The following LMO7 variants were observed in gnomAD, a reference collection of about 807,000 sequenced individuals.
LMO7 encodes the protein LIM domain only protein 7.
A neutral mutation model predicts 206.5 loss-of-function variants in LMO7; 120 were observed. That is an observed-to-expected ratio of 0.58 (90% CI 0.50 to 0.68). The LOEUF is 0.68. LMO7 is among the 30% of genes least tolerant of loss of function. The pLI is 0.00. For missense variants in LMO7, 1,959 were observed against 1,957.9 expected, an observed-to-expected ratio of 1.00 and a Z score of -0.01; for synonymous variants, 706 against 681.5, an observed-to-expected ratio of 1.04 and a Z score of -0.56.
chr13:75,781,796 C>G (rs147085821), intron 4 of LMO7, among the ~76,000 whole-genome samples: 14 of 152,136 alleles, frequency 9.2e-5, no homozygotes, highest in Non-Finnish European at 1.9e-4. Flanking sequence ...CCTGTAGTTT[C>G]CTGACTTTTT....
chr13:75,704,173 C>T (rs772750543), intron 1 of LMO7, among the ~76,000 whole-genome samples: 23 of 152,152 alleles, frequency 1.5e-4, no homozygotes, highest in Non-Finnish European at 2.8e-4. Context: ...CTTCTCCCTG[C>T]GGAAAAATGC....
At chr13:75,827,362 G>T (rs1028466698) in intron 15 of LMO7, among the ~76,000 whole-genome samples, 3 of 152,168 alleles carry the variant, frequency 2.0e-5, no homozygotes, top group Non-Finnish European at 4.4e-5. Context: ...AGCAGAGACT[G>T]GTTAGGAGCC....
chr13:75,786,595 C>G (rs1317530556), intron 4 of LMO7, among the ~76,000 whole-genome samples: 1 of 151,972 alleles, frequency 6.6e-6, no homozygotes, highest in African/African-American at 2.4e-5. Context: ...CCGTGTTAGC[C>G]AGGATGGTCT....
chr13:75,647,951 C>CTTTTTTTCT (rs2037189911), intron 1 of LMO7, among the ~76,000 whole-genome samples: 1 of 91,128 alleles, frequency 1.1e-5, no homozygotes, highest in Admixed American at 1.6e-4. Context: ...TCTTTTCTTT[C>CTTTTTTTCT]TTTTTTTTTT....
At chr13:75,822,355 A>G (rs2057665036) in intron 14 of LMO7, among the ~76,000 whole-genome samples, 1 of 152,166 alleles carries the variant, frequency 6.6e-6, no homozygotes, top group Admixed American at 6.6e-5. Context: ...TCATTATATA[A>G]AGGAAAATGT....
intron 1 of LMO7, among the ~76,000 whole-genome samples, chr13:75,662,469 C>T (rs1043159192): frequency 9.9e-5 from 15 of 152,138 alleles, no homozygotes; most frequent in Non-Finnish European, 1.8e-4. Flanking sequence ...CAGGCGTGTG[C>T]CCCCACACCT....
At chr13:75,741,177 C>T (rs2046381408) in intron 3 of LMO7, among the ~76,000 whole-genome samples, 1 of 152,304 alleles carries the variant, frequency 6.6e-6, no homozygotes, top group East Asian at 1.9e-4. Context: ...GTGAGCCACT[C>T]TCACAATTTG....
chr13:75,836,360 T>C (rs1350649406), intron 18 of LMO7, 37 bp from the exon 19 acceptor site: 3 of 1,176,918 alleles, frequency 2.5e-6, no homozygotes, highest in Admixed American at 4.2e-5. Context: ...AAAGTCCAAC[T>C]GGAGAGAATA....
intron 1 of LMO7, among the ~76,000 whole-genome samples, chr13:75,648,148 A>G (rs920132479): frequency 6.6e-6 from 1 of 151,674 alleles, no homozygotes; most frequent in Non-Finnish European, 1.5e-5. Flanking sequence ...GGGTCTTGCC[A>G]TGTTGCCTAG....
At chr13:75,728,387 T>C (rs1416007881) in intron 3 of LMO7, among the ~76,000 whole-genome samples, 1 of 152,232 alleles carries the variant, frequency 6.6e-6, no homozygotes, top group Non-Finnish European at 1.5e-5. Context: ...ATGATGAGTA[T>C]TTTTTCATGT....
chr13:75,760,838 G>C, intron 3 of LMO7, 94 bp from the exon 4 acceptor site: 1 of 1,565,964 alleles, frequency 6.4e-7, no homozygotes, highest in Non-Finnish European at 8.7e-7. Context: ...GACTGTAATT[G>C]GACTTTGAAG....
At chr13:75,721,435 AT>A (rs1352780113) in intron 2 of LMO7, among the ~76,000 whole-genome samples, 3 of 152,178 alleles carry the variant, frequency 2.0e-5, no homozygotes. Flanking sequence ...GGACCGTCTG[AT>A]TGCTCTGCTG....
intron 11 of LMO7, among the ~76,000 whole-genome samples, chr13:75,810,314 A>T (rs891551989): frequency 4.6e-5 from 7 of 152,276 alleles, no homozygotes; most frequent in African/African-American, 1.7e-4. Context: ...CCTTATGAGG[A>T]TTTACTTCAT....
chr13:75,679,568 G>A (rs190167348), intron 1 of LMO7, among the ~76,000 whole-genome samples: 5 of 152,268 alleles, frequency 3.3e-5, no homozygotes, highest in African/African-American at 1.2e-4. Flanking sequence ...ACCTAAGAAT[G>A]GAGGCAGAGG....
At chr13:75,817,530 A>G (rs1001483127) in intron 12 of LMO7, among the ~76,000 whole-genome samples, 2 of 152,082 alleles carry the variant, frequency 1.3e-5, no homozygotes, top group African/African-American at 4.8e-5. Flanking sequence ...CAAAAATGTG[A>G]GTTGCTTCCT....
intron 3 of LMO7, among the ~76,000 whole-genome samples, chr13:75,758,845 A>C (rs1333173148): frequency 6.6e-6 from 1 of 152,224 alleles, no homozygotes; most frequent in African/African-American, 2.4e-5. Context: ...TCAGAACCAA[A>C]TCAAATTGGT....
At chr13:75,770,336 G>A (rs1216487311) in intron 4 of LMO7, among the ~76,000 whole-genome samples, 1 of 151,996 alleles carries the variant, frequency 6.6e-6, no homozygotes, top group Admixed American at 6.6e-5. Context: ...GATGTGGGTG[G>A]GTGGTGTGGG....
intron 1 of LMO7, among the ~76,000 whole-genome samples, chr13:75,660,301 CTG>C (rs1380583200): frequency 1.3e-5 from 2 of 152,192 alleles, no homozygotes; most frequent in Non-Finnish European, 2.9e-5. Context: ...CCATTTTACT[CTG>C]TATTTATCTT....
At chr13:75,776,162 G>GATATATAT (rs58964680) in intron 4 of LMO7, among the ~76,000 whole-genome samples, 548 of 36,672 alleles carry the variant, frequency 0.015, 27 homozygotes, top group Non-Finnish European at 0.019. Context: ...ATATATATCG[G>GATATATAT]ATATATATAT....
Sources: gnomAD v4.1 joint callset for allele counts (sites outside exome capture counted in the v4.1 genomes callset) on GRCh38, gnomAD v4.1.1 for gene constraint, MANE v1.5 for transcripts, NCBI Gene and HGNC (gene_info 2026-07-23, HGNC 2026-07-21) for gene names.